Variants in TMEM163 observed in about 807,000 individuals in gnomAD.
TMEM163 encodes the protein transmembrane protein 163.
TMEM163 carries 17 observed loss-of-function variants against 29.3 expected under a neutral mutation model. The observed-to-expected ratio is 0.58, with a 90% CI of 0.40 to 0.87. The LOEUF is 0.87. TMEM163 is among the 40% of genes least tolerant of loss of function. The probability of loss-of-function intolerance (pLI) is 0.00; values close to 1 mark genes in which losing one functional copy is unlikely to be tolerated. For synonymous variants in TMEM163, 157 were observed against 160.6 expected (o/e 0.98, Z 0.17); for missense variants, 303 against 381.5 (o/e 0.79, Z 1.71).
At chr2:134,532,634 T>C (rs896272818) in intron 4 of TMEM163, among the ~76,000 whole-genome samples, 1 of 152,218 alleles carries the variant, frequency 6.6e-6, no homozygotes, top group African/African-American at 2.4e-5. Flanking sequence ...CAGACCCAGC[T>C]TTCTGTAGTC....
chr2:134,495,067 C>T (rs538507437), intron 5 of TMEM163, among the ~76,000 whole-genome samples: 67 of 152,270 alleles, frequency 4.4e-4, no homozygotes, highest in African/African-American at 1.6e-3. Flanking sequence ...CCAGGGCAGG[C>T]TGAGGGGTGG....
chr2:134,667,565 C>G (rs1437349944), intron 2 of TMEM163, among the ~76,000 whole-genome samples: 1 of 152,226 alleles, frequency 6.6e-6, no homozygotes, highest in Non-Finnish European at 1.5e-5. Flanking sequence ...CAGCCCTGGA[C>G]TGCTTCCACC....
chr2:134,470,530 T>C (rs1443145381), intron 5 of TMEM163, among the ~76,000 whole-genome samples: 1 of 152,210 alleles, frequency 6.6e-6, no homozygotes, highest in Non-Finnish European at 1.5e-5. Flanking sequence ...CCTTTGCTCC[T>C]AGGACTGGCT....
intron 4 of TMEM163, among the ~76,000 whole-genome samples, chr2:134,527,987 G>A (rs537871588): frequency 6.6e-6 from 1 of 152,284 alleles, no homozygotes; most frequent in Non-Finnish European, 1.5e-5. Flanking sequence ...AGACAGAATA[G>A]CACCACTTCT....
At chr2:134,577,786 A>C (rs1326885207) in intron 2 of TMEM163, among the ~76,000 whole-genome samples, 2 of 150,812 alleles carry the variant, frequency 1.3e-5, no homozygotes, top group Admixed American at 1.3e-4. Flanking sequence ...CTGTGGATTC[A>C]ATCAACCATA....
At chr2:134,648,465 G>A (rs1297644529) in intron 2 of TMEM163, among the ~76,000 whole-genome samples, 1 of 152,038 alleles carries the variant, frequency 6.6e-6, no homozygotes, top group Non-Finnish European at 1.5e-5. Context: ...TCTCACAGTG[G>A]GCCACAGTTC....
intron 4 of TMEM163, among the ~76,000 whole-genome samples, chr2:134,527,399 A>G (rs1238649484): frequency 6.6e-6 from 1 of 152,204 alleles, no homozygotes; most frequent in Non-Finnish European, 1.5e-5. Flanking sequence ...GAAGTTTAAG[A>G]AAAAGAAAAA....
At position 134,585,741 on chromosome 2, in the gene TMEM163, C is replaced by CAAA. The variant is rs35588366; in HGVS notation, c.323-33653_323-33651dup. Reference sequence around the variant, plus strand: ...TGGGCGACAGAGCGAGACTCCGTCTCAAAAAAAAAAAAAATACCTGGAAGA... The same window carrying CAAA: ...TGGGCGACAGAGCGAGACTCCGTCTCAAAAAAAAAAAAAAAAATACCTGGAAGA... On this transcript the variant is annotated intron_variant, in intron 2 of 7. Transcript: ENST00000281924. Among the ~76,000 whole-genome samples the CAAA allele has an allele frequency of 5.6e-3, 788 of 141,706 alleles. 8 individuals carry two copies. Among genetic ancestry groups the CAAA allele is most frequent in the African/African-American group, 0.019 (744 of 38,466 alleles). The allele number at this position is 141,706 out of a possible 152,430, so 93.0% of individuals were successfully genotyped here.
chr2:134,481,290 A>T (rs1679168458), intron 5 of TMEM163, among the ~76,000 whole-genome samples: 1 of 151,506 alleles, frequency 6.6e-6, no homozygotes. Flanking sequence ...TGATTTGGCT[A>T]CATTTCCACC....
intron 2 of TMEM163, among the ~76,000 whole-genome samples, chr2:134,661,667 T>C (rs1683753975): frequency 6.6e-6 from 1 of 152,190 alleles, no homozygotes; most frequent in South Asian, 2.1e-4. Context: ...ACATAGTCCA[T>C]TTAAATTCTG....
chr2:134,638,027 T>A (rs1558973353), intron 2 of TMEM163, among the ~76,000 whole-genome samples: 1 of 152,210 alleles, frequency 6.6e-6, no homozygotes, highest in South Asian at 2.1e-4. Flanking sequence ...GGTTAAGTAA[T>A]CTTCCAAAAA....
chr2:134,673,308 T>C (rs1440215419), intron 2 of TMEM163, among the ~76,000 whole-genome samples: 3 of 152,142 alleles, frequency 2.0e-5, no homozygotes, highest in Non-Finnish European at 4.4e-5. Context: ...CCTCCCACCT[T>C]ATACCCGAGG....
intron 5 of TMEM163, among the ~76,000 whole-genome samples, chr2:134,491,515 A>G (rs1679429432): frequency 6.6e-6 from 1 of 152,136 alleles, no homozygotes; most frequent in Non-Finnish European, 1.5e-5. Context: ...TTCAGATCCC[A>G]AATTCTATGG....
At chr2:134,706,700 A>C (rs1328455035) in intron 2 of TMEM163, among the ~76,000 whole-genome samples, 1 of 152,172 alleles carries the variant, frequency 6.6e-6, no homozygotes, top group Non-Finnish European at 1.5e-5. Context: ...GGTTTGGGGC[A>C]AGAAACAGGA....
In TMEM163 at chr2:134,701,979, A is replaced by G. The variant is rs1165614694; in HGVS notation, c.322+11221T>C. ...GCTGAAATCTCCATCCTCTTCCCCA[A>G]CTCAGCTCCCAAAATTCAAGCAGTC... is the stretch of plus-strand genomic sequence containing the variant. On this transcript the variant is annotated intron_variant, in intron 2 of 7. Transcript: ENST00000281924. 2.0e-5 allele frequency among the ~76,000 whole-genome samples: 3 copies of G among 151,096 alleles called. No homozygotes were observed. In the East Asian group the frequency reaches 5.8e-4, roughly 29 times the overall value.
chr2:134,490,382 C>G (rs1047480972), intron 5 of TMEM163, among the ~76,000 whole-genome samples: 1 of 152,182 alleles, frequency 6.6e-6, no homozygotes, highest in African/African-American at 2.4e-5. Flanking sequence ...ACAGCCAACA[C>G]TACAGATACT....
At chr2:134,466,381 A>G (rs1686669823) in intron 5 of TMEM163, 156 bp from the exon 6 acceptor site, 4 of 584,582 alleles carry the variant, frequency 6.8e-6, no homozygotes, top group African/African-American at 1.9e-5. Context: ...CACCTCAGTT[A>G]TGTGTCACCA....
chr2:134,550,531 C>G (rs201190020), intron 4 of TMEM163, 39 bp downstream of exon 4: 7 of 1,598,642 alleles, frequency 4.4e-6, no homozygotes, highest in Admixed American at 1.7e-5. Flanking sequence ...TTCATCTGCA[C>G]GGGTTCTTCA....
At chr2:134,514,430 A>G (rs545411270) in intron 4 of TMEM163, among the ~76,000 whole-genome samples, 1 of 142,134 alleles carries the variant, frequency 7.0e-6, no homozygotes, top group Admixed American at 7.2e-5. Flanking sequence ...CTGTACATCA[A>G]TCTTGTATTA....
Sources: allele counts gnomAD v4.1 joint callset (sites outside exome capture counted in the v4.1 genomes callset), GRCh38; gene constraint gnomAD v4.1.1; transcripts MANE v1.5; gene names NCBI Gene and HGNC (gene_info 2026-07-23, HGNC 2026-07-21).